The following DCAF13 variants were observed in gnomAD, a reference collection of about 807,000 sequenced individuals.
The protein encoded by DCAF13 is DDB1 and CUL4 associated factor 13.
In DCAF13, 38 loss-of-function variants were observed where a neutral mutation model predicts 59.0. The ratio of observed to expected loss-of-function variants is 0.64; its 90% CI spans 0.50 to 0.84. The LOEUF (loss-of-function observed/expected upper bound fraction) is 0.84, where lower values mean the gene tolerates loss of function less well. DCAF13 is among the 40% of genes least tolerant of loss of function. The pLI, the probability that DCAF13 is intolerant of heterozygous loss-of-function variation, is 0.00. For missense variants in DCAF13, 469 were observed against 558.4 expected, an observed-to-expected ratio of 0.84 and a Z score of 1.61; for synonymous variants, 173 against 175.0, an observed-to-expected ratio of 0.99 and a Z score of 0.09.
intron 7 of DCAF13, among the ~76,000 whole-genome samples, chr8:103,433,577 CA>C: frequency 6.6e-6 from 1 of 151,556 alleles, no homozygotes; most frequent in East Asian, 1.9e-4. Flanking sequence ...GATTTGGAAG[CA>C]AAAAAGTAGT....
chr8:103,433,186 A>G (rs1211893193), intron 7 of DCAF13, among the ~76,000 whole-genome samples: 1 of 152,148 alleles, frequency 6.6e-6, no homozygotes, highest in Non-Finnish European at 1.5e-5. Context: ...CTTATAAATA[A>G]TGACTGAACC....
intron 1 of DCAF13, among the ~76,000 whole-genome samples, chr8:103,417,213 T>G (rs1816633094): frequency 6.6e-6 from 1 of 152,200 alleles, no homozygotes; most frequent in South Asian, 2.1e-4. Flanking sequence ...CCCGTCCCGT[T>G]AATACAGTAC....
intron 1 of DCAF13, 78 bp downstream of exon 1, chr8:103,415,594 CGGGG>C: frequency 7.1e-7 from 1 of 1,408,876 alleles, no homozygotes; most frequent in Non-Finnish European, 9.6e-7. Context: ...GGAGTAAAGC[CGGGG>C]GAGGCTGGCA....
intron 8 of DCAF13, among the ~76,000 whole-genome samples, chr8:103,439,133 T>TCTGCCTC (rs1816971240): frequency 2.0e-5 from 3 of 152,106 alleles, no homozygotes; most frequent in Admixed American, 6.5e-5. Flanking sequence ...GCCTCCCAAG[T>TCTGCCTC]AGCTGGGACT....
At chr8:103,426,200 T>TATAACTATAAAATA in intron 4 of DCAF13, 55 bp downstream of exon 4, 3 of 1,055,874 alleles carry the variant, frequency 2.8e-6, no homozygotes, top group Admixed American at 2.5e-5. Flanking sequence ...TATTTAAAAT[T>TATAACTATAAAATA]ATTTTATAGT....
intron 1 of DCAF13, among the ~76,000 whole-genome samples, chr8:103,419,101 G>C (rs1350362664): frequency 6.6e-6 from 1 of 151,288 alleles, no homozygotes. Flanking sequence ...AGCCAGGATG[G>C]TCTCGATCTC....
At chr8:103,421,493 C>G (rs1248585816) in intron 3 of DCAF13, among the ~76,000 whole-genome samples, 1 of 152,154 alleles carries the variant, frequency 6.6e-6, no homozygotes, top group Non-Finnish European at 1.5e-5. Context: ...TTGGTGGCAT[C>G]CAGTACATTC....
chr8:103,432,807 C>A, intron 7 of DCAF13, 66 bp downstream of exon 7: 2 of 985,180 alleles, frequency 2.0e-6, no homozygotes, highest in South Asian at 1.3e-5. Context: ...ATAAGTCGTA[C>A]TAATAAAATA....
chr8:103,436,925 A>G (rs1470398916), intron 8 of DCAF13, among the ~76,000 whole-genome samples: 2 of 152,112 alleles, frequency 1.3e-5, no homozygotes, highest in Non-Finnish European at 2.9e-5. Context: ...TGTGATATTT[A>G]AGTCTTTTTC....
intron 5 of DCAF13, chr8:103,428,180 C>A (rs555016227): frequency 6.6e-6 from 1 of 152,142 alleles, no homozygotes; most frequent in Non-Finnish European, 1.5e-5. Context: ...TGCTGCAGTG[C>A]GATGTGAGCT....
At chr8:103,415,636 T>A in intron 1 of DCAF13, 120 bp downstream of exon 1, 1 of 996,146 alleles carries the variant, frequency 1.0e-6, no homozygotes, top group Non-Finnish European at 1.4e-6. Flanking sequence ...CTCAGTTACC[T>A]TTCGCTAAGG....
At chr8:103,418,272 A>T (rs979413621) in intron 1 of DCAF13, among the ~76,000 whole-genome samples, 1 of 152,128 alleles carries the variant, frequency 6.6e-6, no homozygotes, top group African/African-American at 2.4e-5. Context: ...TAAACCCAAC[A>T]CTTTGGGCGG....
intron 9 of DCAF13, 66 bp from the exon 10 acceptor site, chr8:103,441,389 C>T (rs1394205063): frequency 6.8e-7 from 1 of 1,460,692 alleles, no homozygotes; most frequent in Non-Finnish European, 9.2e-7. Context: ...AGGGTGCTTT[C>T]TAGCTTTTTT....
At chr8:103,426,199 T>G (rs1326561127) in intron 4 of DCAF13, 54 bp downstream of exon 4, 1 of 1,088,260 alleles carries the variant, frequency 9.2e-7, no homozygotes, top group Non-Finnish European at 1.3e-6. Context: ...TTATTTAAAA[T>G]TATTTTATAG....
At chr8:103,442,672 C>T (rs1017184966) in intron 10 of DCAF13, 123 bp from the exon 11 acceptor site, 20 of 579,336 alleles carry the variant, frequency 3.5e-5, no homozygotes, top group Middle Eastern at 3.2e-4. Flanking sequence ...CTATTGTCAT[C>T]GTGAAAATAT....
intron 1 of DCAF13, among the ~76,000 whole-genome samples, chr8:103,419,764 A>G (rs1281074039): frequency 1.3e-5 from 2 of 152,140 alleles, no homozygotes; most frequent in East Asian, 1.9e-4. Flanking sequence ...TAATCCCAGC[A>G]CTTTGGGAGG....
At position 103,415,493 on chromosome 8, in the gene DCAF13, A is replaced by C. The variant is rs1447888490; in HGVS notation, c.47A>C (p.Glu16Ala). The C allele has an allele frequency of 1.2e-6, 2 of 1,612,396 alleles. No homozygotes were observed. Among genetic ancestry groups the C allele is most frequent in the East Asian group, 2.2e-5 (1 of 44,870 alleles). The stretch of plus-strand genomic sequence containing the variant: ...CGGAATCCGGACAATTATGTCCGCG[A>C]AACCAAGTTGGACTTACAGAGAGGT... ...LSRNPDNYVR[E>A]TKLDLQRVPR... Residue 16 changes from glutamate to alanine, a missense_variant, in exon 1 of 11, where the codon GAA (glutamate) becomes GCA (alanine). Coordinates refer to ENST00000612750, the MANE Select transcript of DCAF13 (RefSeq NM_015420.7).
At chr8:103,428,009 A>G (rs901202924) in intron 5 of DCAF13, 4 of 152,252 alleles carry the variant, frequency 2.6e-5, no homozygotes, top group Admixed American at 2.0e-4. Flanking sequence ...AGCCAATTTT[A>G]GCAGTTATTG....
At chr8:103,419,119 C>T (rs888205061) in intron 1 of DCAF13, among the ~76,000 whole-genome samples, 2 of 151,582 alleles carry the variant, frequency 1.3e-5, no homozygotes, top group Admixed American at 6.6e-5. Flanking sequence ...CTCCTGACCT[C>T]GTGATCCGTC....
Sources: allele counts gnomAD v4.1 joint callset (sites outside exome capture counted in the v4.1 genomes callset), GRCh38; gene constraint gnomAD v4.1.1; transcripts MANE v1.5; gene names NCBI Gene and HGNC (gene_info 2026-07-23, HGNC 2026-07-21).